The following FBXO25 variants were observed in gnomAD, a reference collection of about 807,000 sequenced individuals.
FBXO25 encodes F-box only protein 25.
A neutral mutation model predicts 51.9 loss-of-function variants in FBXO25; 45 were observed. The ratio of observed to expected loss-of-function variants is 0.87; its 90% CI spans 0.68 to 1.11. The LOEUF (loss-of-function observed/expected upper bound fraction) is 1.11. Among genes scored for constraint, FBXO25 ranks in the 50% most tolerant of loss-of-function variants. The probability of loss-of-function intolerance (pLI) is 0.00; values close to 1 mark genes in which losing one functional copy is unlikely to be tolerated. For missense variants in FBXO25, 507 were observed against 428.5 expected (o/e 1.18, Z -1.62); for synonymous variants, 199 against 151.0 (o/e 1.32, Z -2.33).
chr8:461,114 A>G (rs1229500731), intron 8 of FBXO25, among the ~76,000 whole-genome samples: 1 of 152,222 alleles, frequency 6.6e-6, no homozygotes, highest in African/African-American at 2.4e-5. Context: ...GCACTCAAAC[A>G]TACACATTAA....
intron 9 of FBXO25, among the ~76,000 whole-genome samples, chr8:467,310 G>A (rs7832441): frequency 2.0e-5 from 3 of 152,118 alleles, no homozygotes; most frequent in Non-Finnish European, 4.4e-5. Context: ...CAGAGCCTTC[G>A]GATGTTAAAT....
In FBXO25 at chr8:470,149, C is replaced by G. The variant is rs1444746670; in HGVS notation, c.*1345C>G. ...GGAAACTTGGCTTTTATTAGCTCCA[C>G]AGAATCACCCAGATGGAACAGGCTT... On this transcript the variant is annotated 3_prime_UTR_variant, in exon 10 of 10. Transcript: ENST00000350302. The G allele has an allele frequency of 6.6e-6, 1 of 152,082 alleles. No homozygotes were observed. The highest frequency in any genetic ancestry group is 1.5e-5 in the Non-Finnish European group (1 of 68,028). 9.4% of individuals were successfully genotyped at this position (152,082 alleles called of 1,614,324 possible).
chr8:440,006 C>G (rs1364734557), intron 5 of FBXO25, among the ~76,000 whole-genome samples: 2 of 152,104 alleles, frequency 1.3e-5, no homozygotes, highest in Non-Finnish European at 2.9e-5. Context: ...AATGACTACT[C>G]CATAGTAGCA....
chr8:408,615 T>C (rs1247284540), intron 1 of FBXO25, among the ~76,000 whole-genome samples: 2 of 152,266 alleles, frequency 1.3e-5, no homozygotes, highest in African/African-American at 2.4e-5. Flanking sequence ...TGGTAAGCTC[T>C]AATAAATGTT....
intron 8 of FBXO25, among the ~76,000 whole-genome samples, chr8:462,101 C>T (rs1387048322): frequency 6.6e-6 from 1 of 152,206 alleles, no homozygotes; most frequent in Non-Finnish European, 1.5e-5. Flanking sequence ...TGCACCATTT[C>T]ACATTCCCCC....
Position 474,976 on chromosome 8 carries a change from A to C in FBXO25, c.*6172A>C, listed in dbSNP as rs1800600039. ...CTCTGTTTTGTTCTTTGATGTACAG[A>C]AGTTGTTTCTTTCTTTTAGTTACCT... On this transcript the variant is annotated 3_prime_UTR_variant, in exon 10 of 10. Transcript: ENST00000350302. 1 of 402,302 alleles carries C rather than the reference A, an allele frequency of 2.5e-6. No homozygotes were observed. Among genetic ancestry groups the C allele is most frequent in the Non-Finnish European group, 4.8e-6 (1 of 207,384 alleles). The allele number at this position is 402,302 out of a possible 1,614,324, so 24.9% of individuals were successfully genotyped here. A position where few individuals can be genotyped will look rare whatever the true frequency, so the allele number is the denominator to read the frequency against.
At chr8:435,150 A>C (rs1293635640) in intron 4 of FBXO25, among the ~76,000 whole-genome samples, 1 of 152,172 alleles carries the variant, frequency 6.6e-6, no homozygotes, top group African/African-American at 2.4e-5. Flanking sequence ...TATACTTCAA[A>C]CTCGGGCAGT....
intron 9 of FBXO25, among the ~76,000 whole-genome samples, chr8:465,986 G>T (rs60713715): frequency 1.8e-4 from 28 of 152,196 alleles, no homozygotes; most frequent in African/African-American, 5.8e-4. Context: ...TCCTAGGAAG[G>T]ACAGCTGCCC....
chr8:446,034 C>G (rs1171295283), intron 5 of FBXO25, among the ~76,000 whole-genome samples: 3 of 152,016 alleles, frequency 2.0e-5, no homozygotes, highest in African/African-American at 2.4e-5. Context: ...GCACACCCTC[C>G]TGGTGTCTGG....
At position 417,960 on chromosome 8, in the gene FBXO25, T is replaced by C. The variant is rs141368617; in HGVS notation, c.134+4747T>C. Among the ~76,000 whole-genome samples the C allele has an allele frequency of 9.2e-5, 14 of 152,352 alleles. 1 individual carries two copies. Among genetic ancestry groups the C allele is most frequent in the African/African-American group, 1.9e-4 (8 of 41,574 alleles). ...GAATCGTATATTTAAAATTCTAGTA[T>C]TGCCACATTACCTTCTGTAATTTTG... is the stretch of plus-strand genomic sequence containing the variant. On this transcript the variant is annotated intron_variant, in intron 2 of 9. Coordinates refer to ENST00000350302, the MANE Select transcript of FBXO25 (RefSeq NM_183420.2).
intron 7 of FBXO25, among the ~76,000 whole-genome samples, chr8:457,776 C>T (rs1166622980): frequency 1.3e-5 from 2 of 152,196 alleles, no homozygotes; most frequent in Admixed American, 6.5e-5. Flanking sequence ...CACAGAACAC[C>T]ACATGCTGCC....
chr8:473,306 A>G lies in FBXO25; in HGVS notation c.*4502A>G, dbSNP rs1056267568. 1 of 152,144 alleles carries G rather than the reference A, an allele frequency of 6.6e-6. No individual in the cohort carries two copies. The highest frequency in any genetic ancestry group is 2.1e-4 in the South Asian group (1 of 4,806). The allele number at this position is 152,144 out of a possible 1,614,324, so 9.4% of individuals were successfully genotyped here. ...GGAACTGCATCATTGTGTGCCTAAA[A>G]AGCCCTGGCTCACAGCATGAGACAG... On this transcript the variant is annotated 3_prime_UTR_variant, in exon 10 of 10. Coordinates refer to ENST00000350302, the MANE Select transcript of FBXO25 (RefSeq NM_183420.2).
chr8:469,182 A>G lies in FBXO25; in HGVS notation c.*378A>G, dbSNP rs901323999. 5.8e-6 allele frequency: 1 copy of G among 172,806 alleles called. No individual in the cohort carries two copies. Among genetic ancestry groups the G allele is most frequent in the African/African-American group, 2.4e-5 (1 of 42,232 alleles). The allele number at this position is 172,806 out of a possible 1,614,324, so 10.7% of individuals were successfully genotyped here. On this transcript the variant is annotated 3_prime_UTR_variant, in exon 10 of 10. Transcript: ENST00000350302. ...CAAATTATAGTTTCCCAATTGGGAA[A>G]CTAATTGGGGGTGGGTTACAAAACA...
At chr8:415,523 T>C (rs1338464995) in intron 2 of FBXO25, among the ~76,000 whole-genome samples, 1 of 152,190 alleles carries the variant, frequency 6.6e-6, no homozygotes, top group Non-Finnish European at 1.5e-5. Context: ...GTAGGTCGGC[T>C]GGGGTCCAGA....
At chr8:463,437 C>A (rs962002817) in intron 9 of FBXO25, among the ~76,000 whole-genome samples, 1 of 152,190 alleles carries the variant, frequency 6.6e-6, no homozygotes, top group Admixed American at 6.5e-5. Flanking sequence ...GGCAGCAGCT[C>A]CAGATTCCCT....
chr8:461,075 ATT>A (rs1799778532), intron 8 of FBXO25, among the ~76,000 whole-genome samples: 1 of 152,170 alleles, frequency 6.6e-6, no homozygotes, highest in African/African-American at 2.4e-5. Flanking sequence ...TAGCCCGTGC[ATT>A]TTGTTTTTTG....
At chr8:467,911 A>G in intron 9 of FBXO25, 2 of 1,485,908 alleles carry the variant, frequency 1.3e-6, no homozygotes, top group East Asian at 2.4e-5. Flanking sequence ...TTGATCAAAC[A>G]CCTCAGCAAG....
At chr8:447,051 G>C (rs1184269920) in intron 5 of FBXO25, among the ~76,000 whole-genome samples, 1 of 152,182 alleles carries the variant, frequency 6.6e-6, no homozygotes, top group Non-Finnish European at 1.5e-5. Flanking sequence ...TGAGCAGAAG[G>C]GCTTAGGCTA....
intron 2 of FBXO25, among the ~76,000 whole-genome samples, chr8:429,511 T>C (rs1797690350): frequency 2.0e-5 from 3 of 152,240 alleles, no homozygotes; most frequent in African/African-American, 7.2e-5. Flanking sequence ...TGAAATGTAG[T>C]TGATACATGC....
Sources: gnomAD v4.1 joint callset for allele counts (sites outside exome capture counted in the v4.1 genomes callset) on GRCh38, gnomAD v4.1.1 for gene constraint, MANE v1.5 for transcripts, NCBI Gene and HGNC (gene_info 2026-07-23, HGNC 2026-07-21) for gene names.